HFM1: variants seen among roughly 807,000 people sequenced by gnomAD.
HFM1 encodes helicase for meiosis 1.
In HFM1, 169 loss-of-function variants were observed where a neutral mutation model predicts 192.1. That is an observed-to-expected ratio of 0.88 (90% CI 0.78 to 1.00). The LOEUF is 1.00. Ranked by LOEUF, HFM1 falls within the 50% of genes least tolerant of loss-of-function variation. The pLI, the probability that HFM1 is intolerant of heterozygous loss-of-function variation, is 0.00. For synonymous variants in HFM1, 525 were observed against 537.8 expected (o/e 0.98, Z 0.33); for missense variants, 1,661 against 1,668.0 (o/e 1.00, Z 0.07).
At chr1:91,290,634 C>G (rs2100924748) in intron 30 of HFM1, among the ~76,000 whole-genome samples, 1 of 152,290 alleles carries the variant, frequency 6.6e-6, no homozygotes, top group East Asian at 1.9e-4. Flanking sequence ...CAACATTACA[C>G]AGATCAACGA....
At chr1:91,287,722 G>A (rs151088423) in intron 30 of HFM1, among the ~76,000 whole-genome samples, 29,925 of 151,282 alleles carry the variant, frequency 0.2, 3,697 homozygotes, top group South Asian at 0.35. Flanking sequence ...TCCGAGCTAC[G>A]GGAGGACATT....
chr1:91,368,902 A>C (rs937293901), intron 13 of HFM1, among the ~76,000 whole-genome samples: 1 of 152,220 alleles, frequency 6.6e-6, no homozygotes, highest in African/African-American at 2.4e-5. Context: ...GGATGGAGGA[A>C]GATCTACCAA....
intron 25 of HFM1, among the ~76,000 whole-genome samples, chr1:91,318,720 C>T (rs1187469476): frequency 1.3e-5 from 2 of 152,132 alleles, no homozygotes; most frequent in Non-Finnish European, 2.9e-5. Flanking sequence ...CTGCTAACTC[C>T]ACCTTGTAAT....
At chr1:91,332,268 T>C (rs1300240960) in intron 20 of HFM1, among the ~76,000 whole-genome samples, 2 of 152,052 alleles carry the variant, frequency 1.3e-5, no homozygotes, top group African/African-American at 2.4e-5. Context: ...CATCAATCAA[T>C]GGAACAGAAT....
At chr1:91,265,565 A>C (rs941379806) in intron 36 of HFM1, among the ~76,000 whole-genome samples, 10 of 152,182 alleles carry the variant, frequency 6.6e-5, no homozygotes, top group Non-Finnish European at 2.9e-5. Context: ...AGCCCTTACA[A>C]TAAGACTTCA....
intron 30 of HFM1, among the ~76,000 whole-genome samples, chr1:91,307,735 T>C (rs1377587088): frequency 6.6e-6 from 1 of 152,230 alleles, no homozygotes; most frequent in Non-Finnish European, 1.5e-5. Flanking sequence ...ATTATAGGCA[T>C]GAGCCACTAA....
Position 91,299,162 on chromosome 1 carries a change from T to C in HFM1, c.3391+14187A>G, listed in dbSNP as rs551963297. On this transcript the variant is annotated intron_variant, in intron 30 of 38. Transcript: ENST00000370425. ...TCCTAGTCTCTGATAAAACAGACTTTAAACCAACAAAGATCAAAAGACACA... is the reference window on the plus strand; with the variant it reads ...TCCTAGTCTCTGATAAAACAGACTTCAAACCAACAAAGATCAAAAGACACA... Among the ~76,000 whole-genome samples, 301 of 152,244 alleles carry C rather than the reference T, an allele frequency of 2.0e-3. 4 individuals carry two copies. The highest frequency in any genetic ancestry group is 6.8e-3 in the African/African-American group (282 of 41,528).
At position 91,286,975 on chromosome 1, in the gene HFM1, C is replaced by T. The variant is rs1018888820; in HGVS notation, c.3392-9913G>A. On this transcript the variant is annotated intron_variant, in intron 30 of 38. Transcript: ENST00000370425. ...GACGGGCTTAAAAAACGGCGCACCA[C>T]GAGATTATATCCCGCACCTGGCTCA... 4.6e-5 allele frequency among the ~76,000 whole-genome samples: 7 copies of T among 151,994 alleles called. No individual in the cohort carries two copies. In the East Asian group the frequency reaches 5.8e-4, roughly 13 times the overall value.
rs1307239544 is a variant in HFM1 at position 91,380,824 on chromosome 1, A to C, written c.873+88T>G. The C allele has an allele frequency of 1.3e-5, 9 of 718,048 alleles. No individual in the cohort carries two copies. In the African/African-American group the frequency reaches 1.5e-4, roughly 12 times the overall value. 44.5% of individuals were successfully genotyped at this position (718,048 alleles called of 1,614,324 possible). A position where few individuals can be genotyped will look rare whatever the true frequency, so the allele number is the denominator to read the frequency against. Reference sequence around the variant, plus strand: ...ACATGGAGTGTGGCAGTGCAGACATAAAGATCTAGTAAATCCCAGCTGTCC... The same window carrying C: ...ACATGGAGTGTGGCAGTGCAGACATCAAGATCTAGTAAATCCCAGCTGTCC... On this transcript the variant is annotated intron_variant, in intron 7 of 38. Transcript: ENST00000370425.
intron 30 of HFM1, among the ~76,000 whole-genome samples, chr1:91,294,328 G>C (rs1374230226): frequency 6.6e-6 from 1 of 152,004 alleles, no homozygotes; most frequent in Non-Finnish European, 1.5e-5. Context: ...TTCAAACCAT[G>C]AGAGTTAGTA....
chr1:91,330,288 CAAAT>C (rs2101497558), intron 20 of HFM1, among the ~76,000 whole-genome samples: 1 of 151,654 alleles, frequency 6.6e-6, no homozygotes, highest in South Asian at 2.1e-4. Context: ...AGAAAATATC[CAAAT>C]AAATAAAATC....
At position 91,351,547 on chromosome 1, in the gene HFM1, A is replaced by G. The variant is rs773532050; in HGVS notation, c.2072+2T>C. 4 of 1,504,096 alleles carry G rather than the reference A, an allele frequency of 2.7e-6. No individual in the cohort carries two copies. Among genetic ancestry groups the G allele is most frequent in the East Asian group, 2.4e-5 (1 of 42,336 alleles). 93.2% of individuals were successfully genotyped at this position (1,504,096 alleles called of 1,614,324 possible). On this transcript the variant is annotated splice_donor_variant, in intron 17 of 38. Transcript: ENST00000370425. LOFTEE classifies it high-confidence loss of function. ...TCTTTTTGGAACTTTTTTTTATACT[A>G]CCTGCTTTCTACAGTGTCTCTACAA... is the stretch of plus-strand genomic sequence containing the variant.
At chr1:91,397,876 C>A (rs1663851797) in intron 2 of HFM1, among the ~76,000 whole-genome samples, 1 of 152,130 alleles carries the variant, frequency 6.6e-6, no homozygotes, top group Non-Finnish European at 1.5e-5. Flanking sequence ...TGAAATGTTG[C>A]CAAAGAAGGG....
chr1:91,312,190 G>C (rs1464096436), intron 30 of HFM1, among the ~76,000 whole-genome samples: 1 of 152,188 alleles, frequency 6.6e-6, no homozygotes, highest in Non-Finnish European at 1.5e-5. Context: ...CCCCCACACA[G>C]AGTCTCTAGT....
At chr1:91,374,561 G>T (rs1660675183) in intron 13 of HFM1, among the ~76,000 whole-genome samples, 1 of 152,142 alleles carries the variant, frequency 6.6e-6, no homozygotes, top group Admixed American at 6.6e-5. Flanking sequence ...GTAATTGATT[G>T]TGGGGTATAA....
intron 13 of HFM1, among the ~76,000 whole-genome samples, chr1:91,371,124 C>T (rs1195243056): frequency 6.6e-6 from 1 of 152,002 alleles, no homozygotes; most frequent in Admixed American, 6.6e-5. Flanking sequence ...ATTCCATGCT[C>T]ATGGGTAGGA....
chr1:91,372,593 G>A (rs918037281), intron 13 of HFM1, among the ~76,000 whole-genome samples: 6 of 152,076 alleles, frequency 3.9e-5, no homozygotes, highest in African/African-American at 1.4e-4. Context: ...GTTGTGGGTG[G>A]GGTGAATGGG....
chr1:91,293,132 C>T (rs1301291223), intron 30 of HFM1, among the ~76,000 whole-genome samples: 8 of 152,182 alleles, frequency 5.3e-5, no homozygotes, highest in African/African-American at 7.2e-5. Flanking sequence ...CCATTCAGGA[C>T]GTAGGCATGG....
chr1:91,299,759 A>C (rs1287382255), intron 30 of HFM1, among the ~76,000 whole-genome samples: 2 of 152,212 alleles, frequency 1.3e-5, no homozygotes, highest in Non-Finnish European at 2.9e-5. Context: ...ACAACATACC[A>C]GAATCTCTGG....
Sources: allele counts gnomAD v4.1 joint callset (sites outside exome capture counted in the v4.1 genomes callset), GRCh38; gene constraint gnomAD v4.1.1; transcripts MANE v1.5; gene names NCBI Gene and HGNC (gene_info 2026-07-23, HGNC 2026-07-21).